Variants in OR1J2 observed in about 807,000 individuals in gnomAD.
OR1J2 encodes olfactory receptor family 1 subfamily J member 2.
For missense variants in OR1J2, 304 were observed against 246.1 expected, an observed-to-expected ratio of 1.24 and a Z score of -1.57; for synonymous variants, 142 against 99.7, an observed-to-expected ratio of 1.42 and a Z score of -2.52.
At chr9:122,527,256 C>T in the OR1J2 span, 28 of 1,611,904 alleles carry the variant, frequency 1.7e-5, no homozygotes, top group African/African-American at 8.0e-5. Context: ...TGATATTCCT[C>T]GGAGGAAAAA....
At chr9:122,477,472 G>A in the OR1J2 span, 21 of 1,614,010 alleles carry the variant, frequency 1.3e-5, no homozygotes, top group South Asian at 2.2e-4. Flanking sequence ...ACACGCACAA[G>A]CGATGACCCA....
the OR1J2 span, among the ~76,000 whole-genome samples, chr9:122,571,771 G>T: frequency 6.6e-6 from 1 of 151,594 alleles, no homozygotes; most frequent in Non-Finnish European, 1.5e-5. Flanking sequence ...GTGTAGGGTT[G>T]TAGTGGTGCA....
At chr9:122,504,705 C>G in the OR1J2 span, among the ~76,000 whole-genome samples, 19 of 152,218 alleles carry the variant, frequency 1.2e-4, 1 homozygote, top group South Asian at 2.1e-3. Flanking sequence ...TCCATCTGAT[C>G]TATTGTATTT....
the OR1J2 span, among the ~76,000 whole-genome samples, chr9:122,457,797 A>G: frequency 6.6e-6 from 1 of 152,190 alleles, no homozygotes; most frequent in Non-Finnish European, 1.5e-5. Context: ...TTATAGGTAA[A>G]TGGTACATTT....
chr9:122,466,938 C>G, the OR1J2 span, among the ~76,000 whole-genome samples: 8 of 152,086 alleles, frequency 5.3e-5, no homozygotes, highest in Admixed American at 3.9e-4. Flanking sequence ...CCTGGCTCAG[C>G]CTCCTGAGTA....
chr9:122,527,709 A>T, the OR1J2 span, among the ~76,000 whole-genome samples: 1 of 152,172 alleles, frequency 6.6e-6, no homozygotes, highest in Non-Finnish European at 1.5e-5. Flanking sequence ...TTCATTTTAG[A>T]GTGAAGGGCA....
the OR1J2 span, among the ~76,000 whole-genome samples, chr9:122,470,764 A>G: frequency 5.9e-5 from 9 of 152,178 alleles, no homozygotes; most frequent in Non-Finnish European, 8.8e-5. Flanking sequence ...GACTATGGGA[A>G]CCCACCTCTT....
At chr9:122,579,814 T>C in the OR1J2 span, among the ~76,000 whole-genome samples, 627 of 152,276 alleles carry the variant, frequency 4.1e-3, 5 homozygotes, top group Non-Finnish European at 6.9e-3. Context: ...TACTGAAATA[T>C]TTTATTTACC....
upstream of OR1J2, among the ~76,000 whole-genome samples, chr9:122,508,256 G>A (rs1225731320): frequency 6.6e-6 from 1 of 152,058 alleles, no homozygotes; most frequent in Non-Finnish European, 1.5e-5. Context: ...AGATGCTTGA[G>A]CCTAGCACAC....
the OR1J2 span, among the ~76,000 whole-genome samples, chr9:122,487,334 G>A: frequency 3.9e-5 from 6 of 152,118 alleles, no homozygotes; most frequent in East Asian, 7.7e-4. Context: ...TCCTAAAGAG[G>A]AAAGTACAAA....
At chr9:122,547,213 G>A in the OR1J2 span, among the ~76,000 whole-genome samples, 2 of 151,910 alleles carry the variant, frequency 1.3e-5, no homozygotes, top group Non-Finnish European at 2.9e-5. Context: ...TATTGTCTTT[G>A]ATAACCATTT....
Position 122,511,089 on chromosome 9 carries a change from A to G in OR1J2, c.288A>G (p.Glu96=). The change falls in exon 1 of 1, where the codon GAA becomes GAG. Residue 96 remains glutamate (E), a synonymous_variant. Transcript: ENST00000335302. ...RTKYKSILYE[E]CISQMYFFIF... ...AGTACAAATCGATCCTCTATGAGGA[A>G]TGCATTTCTCAGATGTATTTTTTTA... The G allele has an allele frequency of 1.8e-6, 2 of 1,140,670 alleles. No homozygotes were observed. The highest frequency in any genetic ancestry group is 2.6e-6 in the Non-Finnish European group (2 of 774,122). 70.7% of individuals were successfully genotyped at this position (1,140,670 alleles called of 1,614,324 possible). A position where few individuals can be genotyped will look rare whatever the true frequency, so the allele number is the denominator to read the frequency against.
At chr9:122,474,063 G>A in the OR1J2 span, among the ~76,000 whole-genome samples, 2 of 152,174 alleles carry the variant, frequency 1.3e-5, no homozygotes, top group African/African-American at 4.8e-5. Flanking sequence ...CTGGCTACAA[G>A]TCTCACCCAT....
chr9:122,530,783 C>T, the OR1J2 span, among the ~76,000 whole-genome samples: 2 of 151,984 alleles, frequency 1.3e-5, no homozygotes, highest in African/African-American at 2.4e-5. Context: ...TGTTCTCTGG[C>T]GGGCAGGAGT....
the OR1J2 span, among the ~76,000 whole-genome samples, chr9:122,492,706 C>T: frequency 6.6e-6 from 1 of 152,052 alleles, no homozygotes; most frequent in Non-Finnish European, 1.5e-5. Context: ...CTATTTGTTT[C>T]TCTTGTCTGA....
At chr9:122,518,907 G>T in the OR1J2 span, among the ~76,000 whole-genome samples, 14 of 152,148 alleles carry the variant, frequency 9.2e-5, no homozygotes, top group African/African-American at 2.7e-4. Context: ...GACTAGACAT[G>T]GCTGGTCTTC....
Position 122,511,443 on chromosome 9 carries a change from C to CCT in OR1J2, c.643_644dup (p.Val216TrpfsTer12), listed in dbSNP as rs1355113155. ...TCATTACCCTGCCATTCATGTGTAT[C>CCT]CTGGTATCATATGGCTACATTGGGG... On this transcript the variant is annotated frameshift_variant, in exon 1 of 1. Coordinates refer to ENST00000335302, the MANE Select transcript of OR1J2 (RefSeq NM_054107.1). LOFTEE classifies it low-confidence loss of function (END_TRUNC). 1 of 778,126 alleles carries CCT rather than the reference C, an allele frequency of 1.3e-6. No individual in the cohort carries two copies. The highest frequency in any genetic ancestry group is 2.4e-6 in the Non-Finnish European group (1 of 416,820). The allele number at this position is 778,126 out of a possible 1,614,324, so 48.2% of individuals were successfully genotyped here.
rs752038505 is a variant in OR1J2, at chr9:122,511,229, T to C, written c.428T>C (p.Phe143Ser). ...TVIMREELCV[F>S]LVAVSWILSC... Reference sequence around the variant, plus strand: ...ATCATGAGGGAAGAGCTCTGTGTCTTCTTAGTGGCTGTATCTTGGATTCTG... The same window carrying C: ...ATCATGAGGGAAGAGCTCTGTGTCTCCTTAGTGGCTGTATCTTGGATTCTG... The change falls in exon 1 of 1, where the codon TTC becomes TCC. Residue 143 changes from phenylalanine (F) to serine (S), a missense_variant. Coordinates refer to ENST00000335302, the MANE Select transcript of OR1J2 (RefSeq NM_054107.1). 1.3e-6 allele frequency: 1 copy of C among 753,574 alleles called. No homozygotes were observed. The highest frequency in any genetic ancestry group is 1.5e-5 in the South Asian group (1 of 68,794). The allele number at this position is 753,574 out of a possible 1,614,324, so 46.7% of individuals were successfully genotyped here. A position where few individuals can be genotyped will look rare whatever the true frequency, so the allele number is the denominator to read the frequency against.
At position 122,511,672 on chromosome 9, in the gene OR1J2, A is replaced by G. The variant is rs147235840; in HGVS notation, c.871A>G (p.Ser291Gly). Reference protein sequence around the residue: ...VTPMLNPFIYSLRNRDMKEAL... With the variant: ...VTPMLNPFIYGLRNRDMKEAL... ...ACCCATGTTGAACCCCTTTATCTACAGCCTTAGGAACAGGGACATGAAAGA... is the reference window on the plus strand; with the variant it reads ...ACCCATGTTGAACCCCTTTATCTACGGCCTTAGGAACAGGGACATGAAAGA... The change falls in exon 1 of 1, where the codon AGC (serine) becomes GGC (glycine). Residue 291 changes from serine to glycine, a missense_variant. Ser to Gly is a moderately conservative substitution (Grantham distance 56, BLOSUM62 0). Transcript: ENST00000335302. The G allele has an allele frequency of 4.4e-5, 34 of 780,904 alleles. No individual in the cohort carries two copies. In the African/African-American group the frequency reaches 5.6e-4, roughly 13 times the overall value. The allele number at this position is 780,904 out of a possible 1,614,324, so 48.4% of individuals were successfully genotyped here.
Sources: gnomAD v4.1 joint callset for allele counts (sites outside exome capture counted in the v4.1 genomes callset) on GRCh38, gnomAD v4.1.1 for gene constraint, MANE v1.5 for transcripts, NCBI Gene and HGNC (gene_info 2026-07-23, HGNC 2026-07-21) for gene names.